The following CARM1 variants were observed in gnomAD, a reference collection of about 807,000 sequenced individuals.
CARM1 encodes coactivator associated arginine methyltransferase 1.
A neutral mutation model predicts 72.7 loss-of-function variants in CARM1; 14 were observed. The ratio of observed to expected loss-of-function variants is 0.19; its 90% CI spans 0.13 to 0.30. CARM1 has a LOEUF of 0.30. CARM1 is among the 10% of genes least tolerant of loss of function. The pLI, the probability that CARM1 is intolerant of heterozygous loss-of-function variation, is 1.00. For synonymous variants in CARM1, 333 were observed against 345.5 expected (o/e 0.96, Z 0.40); for missense variants, 432 against 833.7 (o/e 0.52, Z 5.93).
chr19:10,881,259 T>C (rs908722501), intron 1 of CARM1, among the ~76,000 whole-genome samples: 1 of 152,222 alleles, frequency 6.6e-6, no homozygotes, highest in Non-Finnish European at 1.5e-5. Flanking sequence ...CCGAAGTAAG[T>C]GCTCCATAAA....
At chr19:10,897,482 C>T (rs1219359006) in intron 1 of CARM1, among the ~76,000 whole-genome samples, 2 of 152,168 alleles carry the variant, frequency 1.3e-5, no homozygotes, top group African/African-American at 2.4e-5. Flanking sequence ...GGCAATTTTT[C>T]TACCCCCTTC....
chr19:10,876,955 G>A (rs2073869044), intron 1 of CARM1, among the ~76,000 whole-genome samples: 2 of 152,240 alleles, frequency 1.3e-5, no homozygotes, highest in South Asian at 4.1e-4. Flanking sequence ...TGGCTCAGAA[G>A]CTTACACAGC....
At chr19:10,908,764 T>C (rs138517697) in intron 3 of CARM1, 26 of 255,122 alleles carry the variant, frequency 1.0e-4, no homozygotes, top group African/African-American at 5.3e-4. Flanking sequence ...TTCGATCTGC[T>C]TCTCTTCTTC....
chr19:10,879,087 C>T (rs2073883383), intron 1 of CARM1, among the ~76,000 whole-genome samples: 1 of 152,016 alleles, frequency 6.6e-6, no homozygotes, highest in Non-Finnish European at 1.5e-5. Context: ...GATTACAGGC[C>T]ACTGCCCCAG....
At chr19:10,902,521 G>C (rs2074073854) in intron 1 of CARM1, among the ~76,000 whole-genome samples, 1 of 151,522 alleles carries the variant, frequency 6.6e-6, no homozygotes, top group African/African-American at 2.4e-5. Flanking sequence ...GTGTTAGCCA[G>C]CATGGTCTTG....
At chr19:10,875,175 T>A (rs2073853576) in intron 1 of CARM1, among the ~76,000 whole-genome samples, 1 of 152,144 alleles carries the variant, frequency 6.6e-6, no homozygotes. Flanking sequence ...AAGTCTGAAA[T>A]CATGGTACTG....
chr19:10,895,877 G>T (rs2074020382), intron 1 of CARM1, among the ~76,000 whole-genome samples: 1 of 152,192 alleles, frequency 6.6e-6, no homozygotes, highest in African/African-American at 2.4e-5. Flanking sequence ...GGACCTCTAG[G>T]AGGAGGTGAC....
At chr19:10,884,058 A>G (rs1272424372) in intron 1 of CARM1, among the ~76,000 whole-genome samples, 7 of 112,706 alleles carry the variant, frequency 6.2e-5, no homozygotes, top group Middle Eastern at 6.0e-3. Context: ...TTTTTTAATT[A>G]CGGGCCAGGT....
chr19:10,893,437 C>T lies in CARM1; in HGVS notation c.221-11514C>T, dbSNP rs1311583779. On this transcript the variant is annotated intron_variant, in intron 1 of 15. Transcript: ENST00000327064. ...CACTGCAACCTCCACCTCCTGGCTT[C>T]AAGTGATTCTCCTGCCTCAGCCTCC... Among the ~76,000 whole-genome samples the T allele has an allele frequency of 3.9e-5, 6 of 152,234 alleles. No individual in the cohort carries two copies. In the South Asian group the frequency reaches 8.3e-4, roughly 21 times the overall value.
chr19:10,897,915 C>T (rs1351572895), intron 1 of CARM1, among the ~76,000 whole-genome samples: 1 of 151,828 alleles, frequency 6.6e-6, no homozygotes, highest in African/African-American at 2.4e-5. Flanking sequence ...ACCATCCTGG[C>T]TAACACGGTG....
chr19:10,913,109 ACT>A (rs749701608), intron 5 of CARM1, among the ~76,000 whole-genome samples: 155 of 140,666 alleles, frequency 1.1e-3, no homozygotes, highest in Non-Finnish European at 7.4e-4. Context: ...GTCACAGTGA[ACT>A]CTCTTTTTTT....
At chr19:10,919,231 A>C (rs2074221313) in intron 8 of CARM1, 1 of 198,506 alleles carries the variant, frequency 5.0e-6, no homozygotes, top group Non-Finnish European at 1.0e-5. Flanking sequence ...ATTCTTTCTC[A>C]CGTCCGCATG....
intron 9 of CARM1, 64 bp downstream of exon 9, chr19:10,919,744 G>T: frequency 6.5e-7 from 1 of 1,532,008 alleles, no homozygotes; most frequent in Admixed American, 1.7e-5. Flanking sequence ...GCCACCCCTG[G>T]CTCCCGCCGG....
Position 10,912,102 on chromosome 19 carries a change from G to T in CARM1, c.559-82G>T, listed in dbSNP as rs1165384331. The T allele has an allele frequency of 3.1e-6, 3 of 977,744 alleles. No homozygotes were observed. 60.6% of individuals were successfully genotyped at this position (977,744 alleles called of 1,614,324 possible). A position where few individuals can be genotyped will look rare whatever the true frequency, so the allele number is the denominator to read the frequency against. The stretch of plus-strand genomic sequence containing the variant: ...AGAGTGAAGACAGACGCCTCATGAT[G>T]TGCACATCCCTTATGATCACTGTCA... On this transcript the variant is annotated intron_variant, in intron 4 of 15. Transcript: ENST00000327064. This position sits in a 1 kb window ranked among gnomAD's most constrained non-coding sequence, Gnocchi z 4.5.
At chr19:10,906,203 C>T (rs1298700047) in intron 2 of CARM1, among the ~76,000 whole-genome samples, 1 of 152,166 alleles carries the variant, frequency 6.6e-6, no homozygotes, top group Non-Finnish European at 1.5e-5. Flanking sequence ...ATCCACCCGC[C>T]TCAGCCTCCC....
chr19:10,921,509 C>G (rs1296080796), intron 15 of CARM1, 66 bp downstream of exon 15: 4 of 1,568,110 alleles, frequency 2.6e-6, no homozygotes, highest in Non-Finnish European at 2.6e-6. Context: ...CATCCTCTGT[C>G]CGGCCGCCCG....
chr19:10,898,793 A>G lies in CARM1; in HGVS notation c.221-6158A>G, dbSNP rs1016479842. On this transcript the variant is annotated intron_variant, in intron 1 of 15. Coordinates refer to ENST00000327064, the MANE Select transcript of CARM1 (RefSeq NM_199141.2). ...GGCTGTGCATTCCCTGCCTACTCAG[A>G]GGTGACCCTGGGCCAGGTGTGCGAT... Among the ~76,000 whole-genome samples the G allele has an allele frequency of 2.6e-5, 4 of 152,160 alleles. No individual in the cohort carries two copies. The East Asian group carries it at 7.7e-4, about 29-fold the overall frequency.
At chr19:10,917,718 CTTT>C (rs1164032277) in intron 8 of CARM1, among the ~76,000 whole-genome samples, 3 of 129,808 alleles carry the variant, frequency 2.3e-5, no homozygotes. Context: ...TTTTCTTTTT[CTTT>C]TTTTTTTTTT....
In CARM1 at chr19:10,921,874, CT is replaced by C; in HGVS notation, c.*120del. 3.9e-6 allele frequency: 4 copies of C among 1,035,760 alleles called. No homozygotes were observed. The South Asian group carries it at 6.5e-5, about 17-fold the overall frequency. The allele number at this position is 1,035,760 out of a possible 1,614,324, so 64.2% of individuals were successfully genotyped here. On this transcript the variant is annotated 3_prime_UTR_variant, in exon 16 of 16. Transcript: ENST00000327064. ...AGCTCGAACACCCGGTCACAGCTCT[CT>C]TTGCTATGGGAACTGGGACACTTTT...
Sources: allele counts gnomAD v4.1 joint callset (sites outside exome capture counted in the v4.1 genomes callset), GRCh38; gene constraint gnomAD v4.1.1; non-coding constraint Gnocchi (gnomAD v3.1); transcripts MANE v1.5; gene names NCBI Gene and HGNC (gene_info 2026-07-23, HGNC 2026-07-21).